Variants in IGSF11 observed in about 807,000 individuals in gnomAD.
The protein encoded by IGSF11 is CXADR like 1.
A neutral mutation model predicts 41.0 loss-of-function variants in IGSF11; 22 were observed. The ratio of observed to expected loss-of-function variants is 0.54; its 90% CI spans 0.38 to 0.77. The LOEUF (loss-of-function observed/expected upper bound fraction) is 0.77. Among genes scored for constraint, IGSF11 ranks in the 30% least tolerant of loss-of-function variants. The pLI is 0.00. For missense variants in IGSF11, 444 were observed against 530.8 expected, an observed-to-expected ratio of 0.84 and a Z score of 1.61; for synonymous variants, 219 against 201.3, an observed-to-expected ratio of 1.09 and a Z score of -0.74.
chr3:119,006,247 TG>T lies in IGSF11; in HGVS notation c.52+28283del, dbSNP rs1291707529. Among the ~76,000 whole-genome samples the T allele has an allele frequency of 5.7e-5, 7 of 123,420 alleles. No homozygotes were observed. The South Asian group carries it at 2.0e-3, about 35-fold the overall frequency. The allele number at this position is 123,420 out of a possible 152,430, so 81.0% of individuals were successfully genotyped here. Reference sequence around the variant, plus strand: ...CATCGCTGATACCCTTTCTTCCAGTTGATCGCATCGGCTCCTGAGGCTTCTG... The same window carrying T: ...CATCGCTGATACCCTTTCTTCCAGTTATCGCATCGGCTCCTGAGGCTTCTG... On this transcript the variant is annotated intron_variant, in intron 1 of 6. Transcript: ENST00000393775.
At chr3:119,033,630 A>G (rs1940626152) in intron 1 of IGSF11, among the ~76,000 whole-genome samples, 1 of 151,922 alleles carries the variant, frequency 6.6e-6, no homozygotes, top group African/African-American at 2.4e-5. Context: ...GTGTCTCCAG[A>G]AAAAAAACAG....
Position 118,928,679 on chromosome 3 carries a change from G to T in IGSF11, c.254C>A (p.Ala85Asp). The T allele has an allele frequency of 6.2e-7, 1 of 1,613,946 alleles. No individual in the cohort carries two copies. Among genetic ancestry groups the T allele is most frequent in the Non-Finnish European group, 8.5e-7 (1 of 1,179,930 alleles). ...TCCTACCCTACCGTGGAACCGGGGG[G>T]CACCATCAAACATCTGTCCACCCTG... ...LYQGGQMFDG[A>D]PRFHGRVGFT... The change falls in exon 3 of 7, where the codon GCC (alanine) becomes GAC (aspartate). Residue 85 changes from alanine to aspartate, a missense_variant. Around this residue, in one of 3 missense-constraint regions of IGSF11, gnomAD observed 193 missense variants for 283.5 expected, o/e 0.68. Transcript: ENST00000393775.
At chr3:119,057,713 C>A (rs1941902128) in intron 1 of IGSF11, among the ~76,000 whole-genome samples, 1 of 152,244 alleles carries the variant, frequency 6.6e-6, no homozygotes, top group Non-Finnish European at 1.5e-5. Context: ...CGCTACCTGA[C>A]TTCAAACTAT....
At chr3:119,090,860 T>G (rs1215987356) in intron 1 of IGSF11, among the ~76,000 whole-genome samples, 1 of 152,064 alleles carries the variant, frequency 6.6e-6, no homozygotes, top group Non-Finnish European at 1.5e-5. Flanking sequence ...AAAGCAACTA[T>G]AAAAACAAAA....
At chr3:119,020,386 G>T (rs568865236) in intron 1 of IGSF11, among the ~76,000 whole-genome samples, 1 of 152,146 alleles carries the variant, frequency 6.6e-6, no homozygotes, top group African/African-American at 2.4e-5. Context: ...ATGCACAGCT[G>T]CACAGCATAC....
At chr3:118,920,455 C>T (rs113989903) in intron 4 of IGSF11, among the ~76,000 whole-genome samples, 68 of 151,948 alleles carry the variant, frequency 4.5e-4, no homozygotes, top group African/African-American at 1.6e-3. Flanking sequence ...AGATTGAAAA[C>T]CCATCTAAAT....
intron 1 of IGSF11, among the ~76,000 whole-genome samples, chr3:119,065,313 AT>A (rs1201942885): frequency 2.0e-5 from 3 of 152,094 alleles, no homozygotes; most frequent in Non-Finnish European, 4.4e-5. Context: ...GTCTTCACTG[AT>A]TTTTTTGAAT....
intron 1 of IGSF11, among the ~76,000 whole-genome samples, chr3:119,029,637 T>C (rs1237987796): frequency 6.6e-6 from 1 of 152,174 alleles, no homozygotes; most frequent in Admixed American, 6.5e-5. Flanking sequence ...TTAAGGGGAA[T>C]ACAGAAGAGA....
At chr3:119,037,633 T>TGAC (rs1351132657), upstream of IGSF11, among the ~76,000 whole-genome samples, 2 of 152,194 alleles carry the variant, frequency 1.3e-5, no homozygotes, top group Non-Finnish European at 2.9e-5. Flanking sequence ...AAAACATTGA[T>TGAC]GACGTGAAAA....
chr3:119,045,974 C>T (rs1941332406), intron 1 of IGSF11, among the ~76,000 whole-genome samples: 1 of 151,682 alleles, frequency 6.6e-6, no homozygotes, highest in Admixed American at 6.6e-5. Flanking sequence ...AAAAGACATC[C>T]ACACCAAAAA....
At chr3:119,072,800 C>T (rs2076421962) in intron 1 of IGSF11, among the ~76,000 whole-genome samples, 1 of 152,112 alleles carries the variant, frequency 6.6e-6, no homozygotes, top group African/African-American at 2.4e-5. Context: ...ACAAAGCTTC[C>T]ACAGTGTGGA....
intron 1 of IGSF11, among the ~76,000 whole-genome samples, chr3:119,083,716 C>T (rs946474409): frequency 2.0e-5 from 3 of 152,156 alleles, no homozygotes; most frequent in Non-Finnish European, 4.4e-5. Context: ...GTAAACAAAC[C>T]TACTGCTCTG....
At chr3:118,994,035 A>C (rs1936041302) in intron 1 of IGSF11, among the ~76,000 whole-genome samples, 1 of 152,208 alleles carries the variant, frequency 6.6e-6, no homozygotes, top group South Asian at 2.1e-4. Flanking sequence ...TATGTCAATA[A>C]AATAGTTTTG....
chr3:118,909,360 T>G (rs1023415749), intron 4 of IGSF11, among the ~76,000 whole-genome samples: 3 of 152,140 alleles, frequency 2.0e-5, no homozygotes, highest in Non-Finnish European at 4.4e-5. Flanking sequence ...ACATCAAAAT[T>G]ATATATTTCA....
At chr3:118,991,254 A>G (rs1018779466) in intron 1 of IGSF11, among the ~76,000 whole-genome samples, 4 of 152,222 alleles carry the variant, frequency 2.6e-5, no homozygotes, top group African/African-American at 9.7e-5. Context: ...CCCACTAACC[A>G]TAACACATAC....
chr3:119,031,285 C>CTAA (rs386397740), intron 1 of IGSF11, among the ~76,000 whole-genome samples: 1 of 151,764 alleles, frequency 6.6e-6, no homozygotes, highest in African/African-American at 2.4e-5. Flanking sequence ...AACAAACTAA[C>CTAA]TAAGTAGTTA....
intron 1 of IGSF11, among the ~76,000 whole-genome samples, chr3:119,077,928 G>A (rs896253157): frequency 2.6e-5 from 4 of 151,828 alleles, no homozygotes; most frequent in Non-Finnish European, 5.9e-5. Flanking sequence ...TCTCATTCAC[G>A]AGAGAATAAA....
chr3:118,920,746 G>C (rs1270348305), intron 4 of IGSF11, among the ~76,000 whole-genome samples: 1 of 152,130 alleles, frequency 6.6e-6, no homozygotes, highest in African/African-American at 2.4e-5. Context: ...CTTACAGTGT[G>C]ATTTTTAAAC....
At chr3:118,952,474 A>G (rs1477920104) in intron 1 of IGSF11, among the ~76,000 whole-genome samples, 2 of 152,148 alleles carry the variant, frequency 1.3e-5, no homozygotes, top group Non-Finnish European at 2.9e-5. Context: ...TGTCAGTTCA[A>G]CATTGTTCAC....
Sources: gnomAD v4.1 joint callset for allele counts (sites outside exome capture counted in the v4.1 genomes callset) on GRCh38, gnomAD v4.1.1 for gene constraint, gnomAD v4.1.1 regional missense constraint, MANE v1.5 for transcripts, NCBI Gene and HGNC (gene_info 2026-07-23, HGNC 2026-07-21) for gene names.